The following HPSE2 variants were observed in gnomAD, a reference collection of about 807,000 sequenced individuals.
HPSE2 encodes heparanase 2 (inactive), also known as inactive heparanase-2.
HPSE2 carries 38 observed loss-of-function variants against 60.5 expected under a neutral mutation model. The observed-to-expected ratio is 0.63, with a 90% CI of 0.48 to 0.82. HPSE2 has a LOEUF of 0.82. HPSE2 is among the 40% of genes least tolerant of loss of function. HPSE2 has a pLI of 0.00. For missense variants in HPSE2, 713 were observed against 740.4 expected (o/e 0.96, Z 0.43); for synonymous variants, 295 against 293.2 (o/e 1.01, Z -0.06).
chr10:99,117,132 GA>G (rs1445675893), intron 3 of HPSE2, among the ~76,000 whole-genome samples: 1 of 151,608 alleles, frequency 6.6e-6, no homozygotes, highest in Admixed American at 6.6e-5. Flanking sequence ...CCTTAATAAA[GA>G]GATTTTATAA....
At chr10:98,525,191 A>G (rs1486849858) in intron 9 of HPSE2, among the ~76,000 whole-genome samples, 2 of 152,156 alleles carry the variant, frequency 1.3e-5, no homozygotes, top group African/African-American at 2.4e-5. Flanking sequence ...TTGTATTTTT[A>G]GTAGAGACGG....
At chr10:98,464,952 G>T (rs1251752257) in intron 11 of HPSE2, among the ~76,000 whole-genome samples, 1 of 152,058 alleles carries the variant, frequency 6.6e-6, no homozygotes, top group Non-Finnish European at 1.5e-5. Flanking sequence ...CCTTAAAAAA[G>T]ATCTATGCGA....
chr10:98,498,618 G>T (rs929964978), intron 9 of HPSE2, among the ~76,000 whole-genome samples: 2 of 152,004 alleles, frequency 1.3e-5, no homozygotes, highest in African/African-American at 4.8e-5. Flanking sequence ...AATCACACTG[G>T]TTCACCAGCA....
chr10:99,272,558 G>A, the HPSE2 span, among the ~76,000 whole-genome samples: 80 of 151,652 alleles, frequency 5.3e-4, 1 homozygote, highest in African/African-American at 1.8e-3. Flanking sequence ...GAATCTATAA[G>A]GAACTTAAAC....
intron 6 of HPSE2, among the ~76,000 whole-genome samples, chr10:98,677,186 A>G (rs1947666494): frequency 6.6e-6 from 1 of 152,106 alleles, no homozygotes. Flanking sequence ...GGGGTGAGGG[A>G]TTTTGTTTCT....
chr10:99,057,435 T>C (rs1265547065), intron 3 of HPSE2, among the ~76,000 whole-genome samples: 1 of 152,174 alleles, frequency 6.6e-6, no homozygotes, highest in East Asian at 1.9e-4. Context: ...AATTTGTTTG[T>C]GAATATACAC....
chr10:98,636,126 T>C (rs1378483298), intron 7 of HPSE2, among the ~76,000 whole-genome samples: 1 of 152,208 alleles, frequency 6.6e-6, no homozygotes, highest in Non-Finnish European at 1.5e-5. Flanking sequence ...TGTAGGGTGA[T>C]TATAATTAAC....
At chr10:98,918,450 C>G (rs936043190) in intron 3 of HPSE2, among the ~76,000 whole-genome samples, 1 of 151,376 alleles carries the variant, frequency 6.6e-6, no homozygotes, top group East Asian at 1.9e-4. Flanking sequence ...CAATGATAGA[C>G]TGGATTAAGA....
chr10:98,600,523 T>C (rs1243965243), intron 9 of HPSE2, among the ~76,000 whole-genome samples: 2 of 152,064 alleles, frequency 1.3e-5, no homozygotes, highest in East Asian at 1.9e-4. Context: ...CTGAGGAGTA[T>C]AGAGATTACC....
intron 3 of HPSE2, among the ~76,000 whole-genome samples, chr10:99,019,747 T>C (rs1458272274): frequency 6.6e-6 from 1 of 151,490 alleles, no homozygotes; most frequent in Non-Finnish European, 1.5e-5. Flanking sequence ...TCTCACTCTG[T>C]CCCCCAGGCT....
chr10:98,811,655 TC>T (rs1227335170), intron 3 of HPSE2, among the ~76,000 whole-genome samples: 4 of 152,126 alleles, frequency 2.6e-5, no homozygotes, highest in African/African-American at 7.2e-5. Flanking sequence ...TCTCATTCGA[TC>T]CTCAGAAGAA....
chr10:98,984,628 CA>C (rs1956292160), intron 3 of HPSE2, among the ~76,000 whole-genome samples: 2 of 152,178 alleles, frequency 1.3e-5, no homozygotes. Flanking sequence ...AGCAATGGAA[CA>C]AAGCTGGATG....
intron 9 of HPSE2, among the ~76,000 whole-genome samples, chr10:98,561,800 A>G (rs1223531282): frequency 6.6e-6 from 1 of 152,248 alleles, no homozygotes; most frequent in East Asian, 1.9e-4. Context: ...GCGAGCTGAG[A>G]TCGTGCCACT....
At chr10:98,690,458 A>C (rs1055171139) in intron 6 of HPSE2, among the ~76,000 whole-genome samples, 1 of 152,140 alleles carries the variant, frequency 6.6e-6, no homozygotes, top group African/African-American at 2.4e-5. Flanking sequence ...GGAGAATGGC[A>C]TGAACTGGGA....
intron 9 of HPSE2, among the ~76,000 whole-genome samples, chr10:98,492,510 CA>C (rs10645866): frequency 0.039 from 4,384 of 112,110 alleles, 174 homozygotes; most frequent in African/African-American, 0.14. Flanking sequence ...TCAAAAAAGA[CA>C]AAAAAAAAAA....
At chr10:99,083,773 GTTTC>G (rs1422176198) in intron 3 of HPSE2, among the ~76,000 whole-genome samples, 4 of 152,018 alleles carry the variant, frequency 2.6e-5, no homozygotes, top group Non-Finnish European at 5.9e-5. Context: ...GGACTCTTGA[GTTTC>G]TTTTCCTCCA....
rs527975182 is a variant in HPSE2, at chr10:99,117,016, GCGAAAAGAAAAA to G, written c.610+27210_610+27221del. Among the ~76,000 whole-genome samples, 291 of 151,848 alleles carry G rather than the reference GCGAAAAGAAAAA, an allele frequency of 1.9e-3. 1 individual carries two copies. Among genetic ancestry groups the G allele is most frequent in the Non-Finnish European group, 3.4e-3 (230 of 67,942 alleles). On this transcript the variant is annotated intron_variant, in intron 3 of 11. Transcript: ENST00000370552. ...GGGTGAGAACAAAAAAAGAAAGAAA[GCGAAAAGAAAAA>G]CGAAAAGAAAGACTACTAAGCAATA...
At chr10:98,608,264 G>A (rs1234253291) in intron 9 of HPSE2, among the ~76,000 whole-genome samples, 1 of 152,184 alleles carries the variant, frequency 6.6e-6, no homozygotes, top group Non-Finnish European at 1.5e-5. Context: ...AAGAAATGAA[G>A]ACTCATGTAA....
At chr10:98,965,917 C>T (rs560839443) in intron 3 of HPSE2, among the ~76,000 whole-genome samples, 1 of 151,466 alleles carries the variant, frequency 6.6e-6, no homozygotes, top group South Asian at 2.1e-4. Flanking sequence ...TGAGATGGAG[C>T]CTCACTCTAT....
Sources: allele counts gnomAD v4.1 joint callset (sites outside exome capture counted in the v4.1 genomes callset), GRCh38; gene constraint gnomAD v4.1.1; transcripts MANE v1.5; gene names NCBI Gene and HGNC (gene_info 2026-07-23, HGNC 2026-07-21).